Variants in TTLL11 observed in about 807,000 individuals in gnomAD.
TTLL11 encodes tubulin polyglutamylase TTLL11.
Under a neutral mutation model 51.7 loss-of-function variants are expected in TTLL11, and 42 were observed. The observed-to-expected ratio is 0.81, with a 90% CI of 0.64 to 1.05. TTLL11 has a LOEUF of 1.05. Among genes scored for constraint, TTLL11 ranks in the 50% least tolerant of loss-of-function variants. The pLI, the probability that TTLL11 is intolerant of heterozygous loss-of-function variation, is 0.00. For missense variants in TTLL11, 799 were observed against 940.4 expected (o/e 0.85, Z 1.97); for synonymous variants, 381 against 383.5 (o/e 0.99, Z 0.08).
intron 4 of TTLL11, among the ~76,000 whole-genome samples, chr9:121,976,963 G>T (rs1842726250): frequency 6.6e-6 from 1 of 152,190 alleles, no homozygotes; most frequent in African/African-American, 2.4e-5. Context: ...TGTTGATGAG[G>T]CTACAGAGAG....
chr9:121,906,805 T>C (rs1839964940), intron 6 of TTLL11, among the ~76,000 whole-genome samples: 1 of 152,160 alleles, frequency 6.6e-6, no homozygotes, highest in African/African-American at 2.4e-5. Context: ...TAGATATTTG[T>C]GGTATACCTT....
At chr9:121,920,810 T>C (rs1840511154) in intron 6 of TTLL11, among the ~76,000 whole-genome samples, 1 of 152,314 alleles carries the variant, frequency 6.6e-6, no homozygotes, top group African/African-American at 2.4e-5. Flanking sequence ...GTGAAGACCA[T>C]GAAGACGAGC....
chr9:121,850,662 C>CT (rs1442666083), intron 8 of TTLL11, among the ~76,000 whole-genome samples: 1 of 152,126 alleles, frequency 6.6e-6, no homozygotes, highest in East Asian at 1.9e-4. Flanking sequence ...TGCCCACTCA[C>CT]ATTGAGAGTG....
At chr9:121,882,120 GAACA>G (rs1838820798) in intron 6 of TTLL11, among the ~76,000 whole-genome samples, 1 of 152,182 alleles carries the variant, frequency 6.6e-6, no homozygotes, top group African/African-American at 2.4e-5. Context: ...TGCTGTGACT[GAACA>G]AACAAAGCTA....
At chr9:122,042,947 A>G (rs2131831755) in intron 1 of TTLL11, among the ~76,000 whole-genome samples, 1 of 152,328 alleles carries the variant, frequency 6.6e-6, no homozygotes, top group African/African-American at 2.4e-5. Context: ...GGAGGAAGAG[A>G]TGAATAGGTG....
At chr9:122,081,159 C>G (rs973434621) in intron 1 of TTLL11, among the ~76,000 whole-genome samples, 2 of 152,226 alleles carry the variant, frequency 1.3e-5, no homozygotes, top group African/African-American at 4.8e-5. Flanking sequence ...CACTGAAGGA[C>G]TTATGTAAAC....
In TTLL11 at chr9:121,816,823, G is replaced by T. The variant is rs995275697; in HGVS notation, c.*5764C>A. ...GGTAAATGAAGACGTGGCCTATTCTGCAGAGCTCCTTCATCTCCAGGAACA... is the reference window on the plus strand; with the variant it reads ...GGTAAATGAAGACGTGGCCTATTCTTCAGAGCTCCTTCATCTCCAGGAACA... On this transcript the variant is annotated 3_prime_UTR_variant, in exon 9 of 9. Transcript: ENST00000321582. 7 of 152,174 alleles carry T rather than the reference G, an allele frequency of 4.6e-5. No individual in the cohort carries two copies. Among genetic ancestry groups the T allele is most frequent in the Non-Finnish European group, 8.8e-5 (6 of 68,030 alleles). The allele number at this position is 152,174 out of a possible 1,614,324, so 9.4% of individuals were successfully genotyped here.
At chr9:121,999,325 A>T (rs951585472) in intron 3 of TTLL11, among the ~76,000 whole-genome samples, 1 of 152,046 alleles carries the variant, frequency 6.6e-6, no homozygotes, top group Non-Finnish European at 1.5e-5. Context: ...TGGGCTCCAG[A>T]CTCATACAAT....
At chr9:121,899,378 CATATATATATATAT>C (rs747040027) in intron 6 of TTLL11, among the ~76,000 whole-genome samples, 1 of 130,464 alleles carries the variant, frequency 7.7e-6, no homozygotes, top group Non-Finnish European at 1.6e-5. Flanking sequence ...TATATATATA[CATATATATATATAT>C]ATATATATAT....
chr9:122,062,461 G>GC (rs1845461518), intron 1 of TTLL11, among the ~76,000 whole-genome samples: 1 of 99,334 alleles, frequency 1.0e-5, no homozygotes, highest in African/African-American at 3.8e-5. Context: ...TTTATATTAT[G>GC]CTTTTTTTTT....
chr9:121,978,434 T>C (rs1473071223), intron 4 of TTLL11, among the ~76,000 whole-genome samples: 1 of 151,616 alleles, frequency 6.6e-6, no homozygotes, highest in Non-Finnish European at 1.5e-5. Context: ...TAAACTGGGG[T>C]TCCCAAGGAA....
chr9:121,922,790 T>A (rs1458813574), intron 6 of TTLL11, among the ~76,000 whole-genome samples: 1 of 151,858 alleles, frequency 6.6e-6, no homozygotes, highest in Non-Finnish European at 1.5e-5. Context: ...TGTGTGTGCA[T>A]GCACATGTGT....
Position 121,860,445 on chromosome 9 carries a change from T to C in TTLL11, c.1734-2A>G. On this transcript the variant is annotated splice_acceptor_variant, in intron 7 of 8. Coordinates refer to ENST00000321582, the MANE Select transcript of TTLL11 (RefSeq NM_001139442.2). LOFTEE classifies it high-confidence loss of function. Reference sequence around the variant, plus strand: ...CTGCTGCTGCTGAGTTTGCAGCTCCTGCCAACAATGGGAAGTGACATGTCA... The same window carrying C: ...CTGCTGCTGCTGAGTTTGCAGCTCCCGCCAACAATGGGAAGTGACATGTCA... 2 of 1,550,390 alleles carry C rather than the reference T, an allele frequency of 1.3e-6. No individual in the cohort carries two copies. The highest frequency in any genetic ancestry group is 1.7e-6 in the Non-Finnish European group (2 of 1,146,712).
Position 121,894,709 on chromosome 9 carries a change from T to C in TTLL11, c.1482-23961A>G, listed in dbSNP as rs1839386893. Among the ~76,000 whole-genome samples, 4 of 151,356 alleles carry C rather than the reference T, an allele frequency of 2.6e-5. 1 individual carries two copies. In the South Asian group the frequency reaches 8.4e-4, roughly 32 times the overall value. ...TGGGAGTTGAAACAATGAGAACACA[T>C]GGACACAAGGAGGGGAACATCACAC... On this transcript the variant is annotated intron_variant, in intron 6 of 8. Coordinates refer to ENST00000321582, the MANE Select transcript of TTLL11 (RefSeq NM_001139442.2).
chr9:121,837,263 T>A (rs571853141), intron 8 of TTLL11, among the ~76,000 whole-genome samples: 21 of 152,214 alleles, frequency 1.4e-4, no homozygotes, highest in Admixed American at 1.2e-3. Context: ...TATATATCAG[T>A]ACATACTTGA....
intron 6 of TTLL11, among the ~76,000 whole-genome samples, chr9:121,951,624 G>A (rs533067064): frequency 5.9e-5 from 9 of 152,244 alleles, no homozygotes; most frequent in African/African-American, 2.2e-4. Context: ...TACAGGCAAG[G>A]TTTAACAAAG....
chr9:121,969,521 G>T (rs1014543078), intron 6 of TTLL11, among the ~76,000 whole-genome samples: 1 of 152,126 alleles, frequency 6.6e-6, no homozygotes, highest in Non-Finnish European at 1.5e-5. Flanking sequence ...GGGAGATGAG[G>T]AGTTTGGGGG....
chr9:122,025,973 T>C (rs1357073546), intron 3 of TTLL11, among the ~76,000 whole-genome samples: 1 of 152,130 alleles, frequency 6.6e-6, no homozygotes, highest in Non-Finnish European at 1.5e-5. Flanking sequence ...TATTGATACA[T>C]ACTACAAATA....
intron 1 of TTLL11, among the ~76,000 whole-genome samples, chr9:122,083,774 C>T (rs1846054352): frequency 6.6e-6 from 1 of 152,026 alleles, no homozygotes; most frequent in Non-Finnish European, 1.5e-5. Flanking sequence ...TGCATCACTG[C>T]ACTCCAGCCT....
Sources: gnomAD v4.1 joint callset for allele counts (sites outside exome capture counted in the v4.1 genomes callset) on GRCh38, gnomAD v4.1.1 for gene constraint, MANE v1.5 for transcripts, NCBI Gene and HGNC (gene_info 2026-07-23, HGNC 2026-07-21) for gene names.